SEM1: variants seen among roughly 807,000 people sequenced by gnomAD.
SEM1 encodes the protein SEM1 26S proteasome subunit.
Under a neutral mutation model 12.7 loss-of-function variants are expected in SEM1, and 3 were observed. The ratio of observed to expected loss-of-function variants is 0.24; its 90% confidence interval spans 0.11 to 0.61. The LOEUF is 0.61. Among genes scored for constraint, SEM1 ranks in the 20% least tolerant of loss-of-function variants. The pLI is 0.88. For synonymous variants in SEM1, 30 were observed against 27.8 expected (o/e 1.08, Z -0.25); for missense variants, 59 against 81.3 (o/e 0.73, Z 1.06).
chr7:96,577,216 AC>A (rs1806235641), intron 2 of SEM1, among the ~76,000 whole-genome samples: 1 of 152,116 alleles, frequency 6.6e-6, no homozygotes, highest in African/African-American at 2.4e-5. Flanking sequence ...CATAGAGTAA[AC>A]AAAGTACTGT....
chr7:96,537,897 T>G (rs966321405), intron 2 of SEM1, among the ~76,000 whole-genome samples: 9 of 151,878 alleles, frequency 5.9e-5, no homozygotes, highest in African/African-American at 2.2e-4. Context: ...TTCTTCTGCT[T>G]CTGGTATTCC....
chr7:96,665,728 T>A (rs1789154052), intron 2 of SEM1, among the ~76,000 whole-genome samples: 1 of 152,194 alleles, frequency 6.6e-6, no homozygotes, highest in Non-Finnish European at 1.5e-5. Flanking sequence ...CTGGGTCCCA[T>A]TCCTAGTGAT....
At chr7:96,625,285 A>G (rs1808026639) in intron 2 of SEM1, among the ~76,000 whole-genome samples, 1 of 152,220 alleles carries the variant, frequency 6.6e-6, no homozygotes, top group African/African-American at 2.4e-5. Flanking sequence ...TAAGTGCATG[A>G]AGGCTTTCAC....
intron 2 of SEM1, among the ~76,000 whole-genome samples, chr7:96,517,870 C>T (rs545049964): frequency 6.6e-6 from 1 of 152,138 alleles, no homozygotes; most frequent in African/African-American, 2.4e-5. Flanking sequence ...TCTGCTAGTC[C>T]TTTCATTTGT....
chr7:96,650,331 T>C, intron 2 of SEM1: 1 of 509,984 alleles, frequency 2.0e-6, no homozygotes, highest in South Asian at 3.1e-5. Flanking sequence ...AAAAGTCCTC[T>C]TTGTCTTGTG....
downstream of SEM1, among the ~76,000 whole-genome samples, chr7:96,671,975 T>C (rs1789328186): frequency 6.6e-6 from 1 of 152,204 alleles, no homozygotes; most frequent in Admixed American, 6.5e-5. Context: ...AAATAGGTTT[T>C]AGAAAACCAA....
chr7:96,703,112 G>A (rs1790321443), intron 1 of SEM1, among the ~76,000 whole-genome samples: 1 of 152,176 alleles, frequency 6.6e-6, no homozygotes, highest in Admixed American at 6.5e-5. Context: ...CAAAATGCTT[G>A]AGACCAGAAG....
At chr7:96,539,092 A>G (rs1457777757) in intron 2 of SEM1, among the ~76,000 whole-genome samples, 2 of 151,976 alleles carry the variant, frequency 1.3e-5, no homozygotes, top group East Asian at 3.9e-4. Flanking sequence ...CCAATCTGTC[A>G]AGATACTGAG....
chr7:96,702,083 G>T (rs746498496), intron 1 of SEM1, among the ~76,000 whole-genome samples: 9 of 152,056 alleles, frequency 5.9e-5, no homozygotes, highest in Admixed American at 1.3e-4. Flanking sequence ...AGCAAAGATT[G>T]GTTAGGAAGG....
At chr7:96,670,511 T>C (rs1421888947), downstream of SEM1, among the ~76,000 whole-genome samples, 1 of 152,310 alleles carries the variant, frequency 6.6e-6, no homozygotes, top group Admixed American at 6.5e-5. Flanking sequence ...AGAAAGGATA[T>C]AGATGCCAGG....
At chr7:96,571,666 C>G (rs1249972233) in intron 2 of SEM1, among the ~76,000 whole-genome samples, 1 of 151,682 alleles carries the variant, frequency 6.6e-6, no homozygotes, top group Non-Finnish European at 1.5e-5. Context: ...GCTGGATAAG[C>G]TTTTTGATGT....
intron 2 of SEM1, among the ~76,000 whole-genome samples, chr7:96,667,147 C>T (rs1159655243): frequency 6.6e-6 from 1 of 152,120 alleles, no homozygotes; most frequent in Non-Finnish European, 1.5e-5. Flanking sequence ...TTATTCCAAT[C>T]GTTGCATAAA....
chr7:96,584,017 T>C (rs1484945350), intron 2 of SEM1, among the ~76,000 whole-genome samples: 1 of 152,062 alleles, frequency 6.6e-6, no homozygotes, highest in Non-Finnish European at 1.5e-5. Context: ...GTCATTATGT[T>C]AGCTGGTTAT....
intron 2 of SEM1, among the ~76,000 whole-genome samples, chr7:96,599,847 C>T (rs1807140861): frequency 1.3e-5 from 2 of 152,148 alleles, no homozygotes; most frequent in African/African-American, 4.8e-5. Flanking sequence ...GAATGCAGTT[C>T]CCCTAAAGTA....
intron 2 of SEM1, among the ~76,000 whole-genome samples, chr7:96,559,714 G>A: frequency 6.6e-6 from 1 of 152,210 alleles, no homozygotes; most frequent in East Asian, 1.9e-4. Context: ...CCCATATCTT[G>A]TTATCTTCTT....
At chr7:96,663,220 G>A (rs956350266) in intron 2 of SEM1, among the ~76,000 whole-genome samples, 1 of 152,068 alleles carries the variant, frequency 6.6e-6, no homozygotes, top group Admixed American at 6.5e-5. Flanking sequence ...ACTGGGCAAT[G>A]AGTATGTGGA....
chr7:96,603,506 C>G (rs1159537636), intron 2 of SEM1, among the ~76,000 whole-genome samples: 1 of 152,162 alleles, frequency 6.6e-6, no homozygotes, highest in African/African-American at 2.4e-5. Context: ...TTTTGGGAAT[C>G]TACCTCCCTA....
At chr7:96,521,633 C>CA (rs1804273634) in intron 2 of SEM1, among the ~76,000 whole-genome samples, 1 of 152,116 alleles carries the variant, frequency 6.6e-6, no homozygotes, top group Non-Finnish European at 1.5e-5. Flanking sequence ...AATGGGGCCT[C>CA]AAACTTGGCA....
intron 2 of SEM1, among the ~76,000 whole-genome samples, chr7:96,507,604 G>A (rs143897001): frequency 7.9e-5 from 12 of 152,220 alleles, no homozygotes; most frequent in African/African-American, 2.9e-4. Context: ...GGGGAAGAAT[G>A]CTGTGGATGA....
Sources: gnomAD v4.1 joint callset for allele counts (sites outside exome capture counted in the v4.1 genomes callset) on GRCh38, gnomAD v4.1.1 for gene constraint, MANE v1.5 for transcripts, NCBI Gene and HGNC (gene_info 2026-07-23, HGNC 2026-07-21) for gene names.